The following ARID5B variants were observed in gnomAD, a reference collection of about 807,000 sequenced individuals.
The protein encoded by ARID5B is AT-rich interaction domain 5B.
Under a neutral mutation model 97.2 loss-of-function variants are expected in ARID5B, and 13 were observed. That is an observed-to-expected ratio of 0.13 (90% CI 0.09 to 0.21). ARID5B has a LOEUF of 0.21. Among genes scored for constraint, ARID5B ranks in the 10% least tolerant of loss-of-function variants. The pLI, the probability that ARID5B is intolerant of heterozygous loss-of-function variation, is 1.00. For missense variants in ARID5B, 1,210 were observed against 1,465.3 expected (o/e 0.83, Z 2.84); for synonymous variants, 556 against 570.3 (o/e 0.97, Z 0.36).
At chr10:62,053,554 T>A (rs1157434493) in intron 5 of ARID5B, among the ~76,000 whole-genome samples, 1 of 152,152 alleles carries the variant, frequency 6.6e-6, no homozygotes, top group African/African-American at 2.4e-5. Flanking sequence ...AATCCTGCCA[T>A]TTTTTTCTGG....
intron 2 of ARID5B, 57 bp from the exon 3 acceptor site, chr10:61,940,126 C>A (rs1589227203): frequency 1.3e-6 from 2 of 1,529,152 alleles, no homozygotes; most frequent in South Asian, 1.1e-5. Context: ...GAGAGTGGAT[C>A]ATTTCCCTCA....
intron 3 of ARID5B, among the ~76,000 whole-genome samples, chr10:61,981,015 A>G (rs1838769873): frequency 6.6e-6 from 1 of 152,190 alleles, no homozygotes; most frequent in East Asian, 1.9e-4. Flanking sequence ...AGAACTTATA[A>G]GCAGTGGCTA....
chr10:61,907,687 A>G (rs60017282), intron 2 of ARID5B, among the ~76,000 whole-genome samples: 70,607 of 152,254 alleles, frequency 0.46, 16,507 homozygotes, highest in Non-Finnish European at 0.49. Flanking sequence ...AAAGAATTAC[A>G]TGGAGAGAAA....
chr10:61,917,009 G>A (rs1043604304), intron 2 of ARID5B, among the ~76,000 whole-genome samples: 6 of 151,934 alleles, frequency 3.9e-5, no homozygotes, highest in Non-Finnish European at 8.8e-5. Flanking sequence ...CCTCTAAAAT[G>A]TTCCTCTTGA....
At chr10:62,009,568 G>A (rs1374907863) in intron 4 of ARID5B, among the ~76,000 whole-genome samples, 2 of 152,140 alleles carry the variant, frequency 1.3e-5, no homozygotes, top group African/African-American at 2.4e-5. Context: ...GCATGTTGCT[G>A]AAGTAGGGGT....
chr10:62,064,773 T>G (rs1839964712), intron 7 of ARID5B, among the ~76,000 whole-genome samples: 1 of 152,068 alleles, frequency 6.6e-6, no homozygotes, highest in Admixed American at 6.5e-5. Context: ...TTTGTTTGTT[T>G]TTGTTTTGTT....
intron 4 of ARID5B, among the ~76,000 whole-genome samples, chr10:62,031,498 G>A (rs1465167338): frequency 6.6e-6 from 1 of 152,162 alleles, no homozygotes; most frequent in African/African-American, 2.4e-5. Flanking sequence ...TGCAGCTTTT[G>A]GACTGAGACC....
intron 3 of ARID5B, among the ~76,000 whole-genome samples, chr10:61,966,990 G>A (rs73274333): frequency 1.3e-4 from 20 of 151,928 alleles, no homozygotes; most frequent in Admixed American, 9.2e-4. Context: ...ATATTGGCTC[G>A]TATAGAAATA....
intron 4 of ARID5B, among the ~76,000 whole-genome samples, chr10:62,010,084 C>A (rs932183018): frequency 2.0e-5 from 3 of 152,158 alleles, no homozygotes; most frequent in Non-Finnish European, 4.4e-5. Flanking sequence ...CTCTCACAGA[C>A]CCCCATCATG....
chr10:62,078,836 G>C (rs16916971), intron 8 of ARID5B, among the ~76,000 whole-genome samples: 10,113 of 152,248 alleles, frequency 0.066, 747 homozygotes, highest in Admixed American at 0.23. Flanking sequence ...GGCTTGGTAA[G>C]ATTAAGTCCT....
At chr10:62,035,158 G>A (rs1020565387) in intron 4 of ARID5B, among the ~76,000 whole-genome samples, 3 of 152,178 alleles carry the variant, frequency 2.0e-5, no homozygotes, top group African/African-American at 4.8e-5. Context: ...CCTAGGGAAG[G>A]TGCTGGAGAT....
At chr10:62,005,614 T>C (rs1839136013) in intron 4 of ARID5B, among the ~76,000 whole-genome samples, 2 of 152,130 alleles carry the variant, frequency 1.3e-5, no homozygotes, top group Non-Finnish European at 2.9e-5. Context: ...TCCAGTCCTG[T>C]TTTTCCTGTG....
rs1345910651 is a variant in ARID5B, at chr10:62,092,386, T to C, written c.2923T>C (p.Ser975Pro). The C allele has an allele frequency of 6.2e-7, 1 of 1,613,996 alleles. No homozygotes were observed. Among genetic ancestry groups the C allele is most frequent in the Admixed American group, 1.7e-5 (1 of 59,998 alleles). ...PKKYPESLSR[S>P]GKPHHVRLEN... ...AAAATACCCTGAATCGCTTTCAAGA[T>C]CAGGAAAACCTCACCATGTGAGACT... Residue 975 changes from serine (S) to proline (P), a missense_variant, in exon 10 of 10, where the codon TCA becomes CCA. Transcript: ENST00000279873.
rs747820088 is a variant in ARID5B, at chr10:62,093,134, T to C, written c.*104T>C. 9.5e-6 allele frequency: 14 copies of C among 1,475,540 alleles called. No homozygotes were observed. Among genetic ancestry groups the C allele is most frequent in the Admixed American group, 2.3e-5 (1 of 43,824 alleles). 91.4% of individuals were successfully genotyped at this position (1,475,540 alleles called of 1,614,324 possible). On this transcript the variant is annotated 3_prime_UTR_variant, in exon 10 of 10. Coordinates refer to ENST00000279873, the MANE Select transcript of ARID5B (RefSeq NM_032199.3). ...TTAGAAGTCAGTATTTCTTCTAATC[T>C]GAGGCTATGATCAGTCCCAGCTGTA... is the stretch of plus-strand genomic sequence containing the variant.
Position 62,000,384 on chromosome 10 carries a change from C to A in ARID5B, c.733+63C>A. 7.0e-7 allele frequency: 1 copy of A among 1,430,386 alleles called. No homozygotes were observed. Among genetic ancestry groups the A allele is most frequent in the Non-Finnish European group, 9.5e-7 (1 of 1,052,742 alleles). 88.6% of individuals were successfully genotyped at this position (1,430,386 alleles called of 1,614,324 possible). On this transcript the variant is annotated intron_variant, in intron 4 of 9. Transcript: ENST00000279873. This position sits in a 1 kb window ranked among gnomAD's most constrained non-coding sequence, Gnocchi z 4.4. ...CGTGTGTGCCTAGTTGTTTTCAGTTCTTCTGAAGAGCGGTGATGGGGAACG... is the reference window on the plus strand; with the variant it reads ...CGTGTGTGCCTAGTTGTTTTCAGTTATTCTGAAGAGCGGTGATGGGGAACG...
At chr10:62,081,236 C>T (rs1414461343) in intron 8 of ARID5B, among the ~76,000 whole-genome samples, 2 of 152,248 alleles carry the variant, frequency 1.3e-5, no homozygotes, top group African/African-American at 2.4e-5. Flanking sequence ...AGTGCCTATG[C>T]AGTAACTGGG....
chr10:61,950,383 G>T (rs1838306984), intron 3 of ARID5B, among the ~76,000 whole-genome samples: 1 of 152,110 alleles, frequency 6.6e-6, no homozygotes, highest in South Asian at 2.1e-4. Context: ...TTAAAGTGAG[G>T]TCTGTCTGGG....
intron 3 of ARID5B, among the ~76,000 whole-genome samples, chr10:61,957,562 C>T (rs1838408893): frequency 6.6e-6 from 1 of 152,238 alleles, no homozygotes; most frequent in African/African-American, 2.4e-5. Flanking sequence ...AGCCACTGCG[C>T]CCGGCCTGTC....
intron 4 of ARID5B, among the ~76,000 whole-genome samples, chr10:62,007,306 G>T (rs1268903339): frequency 1.3e-5 from 2 of 152,180 alleles, no homozygotes; most frequent in African/African-American, 4.8e-5. Flanking sequence ...GAGATGCTTA[G>T]AGCCTATTAC....
Sources: gnomAD v4.1 joint callset for allele counts (sites outside exome capture counted in the v4.1 genomes callset) on GRCh38, gnomAD v4.1.1 for gene constraint, Gnocchi (gnomAD v3.1) non-coding constraint, MANE v1.5 for transcripts, NCBI Gene and HGNC (gene_info 2026-07-23, HGNC 2026-07-21) for gene names.